Variants in CXXC5 observed in about 807,000 individuals in gnomAD.
CXXC5 encodes CXXC finger protein 5.
Under a neutral mutation model 17.6 loss-of-function variants are expected in CXXC5, and 2 were observed. The ratio of observed to expected loss-of-function variants is 0.11; its 90% confidence interval spans 0.05 to 0.36. The LOEUF (loss-of-function observed/expected upper bound fraction) is 0.36, where lower values mean the gene tolerates loss of function less well. Among genes scored for constraint, CXXC5 ranks in the 10% least tolerant of loss-of-function variants. The probability of loss-of-function intolerance (pLI) is 1.00; values close to 1 mark genes in which losing one functional copy is unlikely to be tolerated. For missense variants in CXXC5, 343 were observed against 458.3 expected (o/e 0.75, Z 2.30); for synonymous variants, 171 against 193.0 (o/e 0.89, Z 0.94).
intron 2 of CXXC5, 94 bp downstream of exon 2, chr5:139,681,541 G>GC: frequency 6.9e-7 from 1 of 1,449,800 alleles, no homozygotes; most frequent in Non-Finnish European, 9.2e-7. Context: ...TCCTACCTGG[G>GC]CAAGTGTCTG....
intron 2 of CXXC5, among the ~76,000 whole-genome samples, chr5:139,682,318 C>G (rs891817857): frequency 8.4e-6 from 1 of 118,760 alleles, no homozygotes; most frequent in Non-Finnish European, 1.8e-5. Flanking sequence ...TGGTTACCCT[C>G]CCCCAACCCC....
Position 139,682,995 on chromosome 5 carries a change from G to A in CXXC5, c.*88G>A, listed in dbSNP as rs1242915759. 2 of 1,212,972 alleles carry A rather than the reference G, an allele frequency of 1.6e-6. No homozygotes were observed. Among genetic ancestry groups the A allele is most frequent in the Non-Finnish European group, 2.2e-6 (2 of 903,864 alleles). The allele number at this position is 1,212,972 out of a possible 1,614,324, so 75.1% of individuals were successfully genotyped here. On this transcript the variant is annotated 3_prime_UTR_variant, in exon 3 of 3. Coordinates refer to ENST00000302517, the MANE Select transcript of CXXC5 (RefSeq NM_016463.9). ...GGGATTCGGGCGAAGACAAACGGAT[G>A]CACCCGTCTTTAGAACCAAAAATAT...
At chr5:139,653,072 A>AGT (rs367710444) in intron 1 of CXXC5, among the ~76,000 whole-genome samples, 6 of 151,580 alleles carry the variant, frequency 4.0e-5, no homozygotes, top group East Asian at 1.9e-4. Context: ...TGTAGCATGG[A>AGT]GTGTGTGTGT....
chr5:139,673,422 G>A (rs1457876357), intron 1 of CXXC5, among the ~76,000 whole-genome samples: 3 of 152,156 alleles, frequency 2.0e-5, no homozygotes, highest in Non-Finnish European at 2.9e-5. Context: ...CTTTATCAGA[G>A]GCATCCCAGG....
chr5:139,652,128 T>C (rs1279370382), intron 1 of CXXC5, among the ~76,000 whole-genome samples: 1 of 146,840 alleles, frequency 6.8e-6, no homozygotes, highest in Non-Finnish European at 1.5e-5. Context: ...CCCCACCACC[T>C]GGTCCCATCC....
In CXXC5 at chr5:139,658,603, G is replaced by T. The variant is rs1258050047; in HGVS notation, c.-161+9758G>T. Among the ~76,000 whole-genome samples, 1 of 152,152 alleles carries T rather than the reference G, an allele frequency of 6.6e-6. No individual in the cohort carries two copies. Among genetic ancestry groups the T allele is most frequent in the Non-Finnish European group, 1.5e-5 (1 of 68,010 alleles). On this transcript the variant is annotated intron_variant, in intron 1 of 2. Coordinates refer to ENST00000302517, the MANE Select transcript of CXXC5 (RefSeq NM_016463.9). This position sits in a 1 kb window ranked among gnomAD's most constrained non-coding sequence, Gnocchi z 4.1. ...CACAGGCACAGGAGGGGTCCTCTTGGCGGTGCCCGCCCGCCCGCTGCCCAC... is the reference window on the plus strand; with the variant it reads ...CACAGGCACAGGAGGGGTCCTCTTGTCGGTGCCCGCCCGCCCGCTGCCCAC...
rs1185782022 is a variant in CXXC5 at position 139,683,597 on chromosome 5, C to A, written c.*690C>A. ...GATTTTGGAAAAAAAAATGAAAGTT[C>A]TGTTCGTTTATCCATTGCGATCTGG... On this transcript the variant is annotated 3_prime_UTR_variant, in exon 3 of 3. Coordinates refer to ENST00000302517, the MANE Select transcript of CXXC5 (RefSeq NM_016463.9). The A allele has an allele frequency of 6.6e-6, 1 of 152,424 alleles. No homozygotes were observed. The allele number at this position is 152,424 out of a possible 1,614,324, so 9.4% of individuals were successfully genotyped here. A position where few individuals can be genotyped will look rare whatever the true frequency, so the allele number is the denominator to read the frequency against.
intron 1 of CXXC5, among the ~76,000 whole-genome samples, chr5:139,669,960 G>A (rs940545689): frequency 6.6e-6 from 1 of 152,198 alleles, no homozygotes; most frequent in Non-Finnish European, 1.5e-5. Context: ...TGGGGTGGCT[G>A]CCTGTGGCTG....
At position 139,683,166 on chromosome 5, in the gene CXXC5, C is replaced by G; in HGVS notation, c.*259C>G. 1 of 346,638 alleles carries G rather than the reference C, an allele frequency of 2.9e-6. No individual in the cohort carries two copies. Among genetic ancestry groups the G allele is most frequent in the Non-Finnish European group, 5.1e-6 (1 of 194,886 alleles). 21.5% of individuals were successfully genotyped at this position (346,638 alleles called of 1,614,324 possible). The stretch of plus-strand genomic sequence containing the variant: ...CAACAAAAAAGAGGTAAAGACGAAT[C>G]TATAAAGTACCGAGACTTCCTGGGC... On this transcript the variant is annotated 3_prime_UTR_variant, in exon 3 of 3. Coordinates refer to ENST00000302517, the MANE Select transcript of CXXC5 (RefSeq NM_016463.9).
chr5:139,653,317 G>T (rs1316995474), intron 1 of CXXC5, among the ~76,000 whole-genome samples: 1 of 152,150 alleles, frequency 6.6e-6, no homozygotes, highest in Non-Finnish European at 1.5e-5. Flanking sequence ...GGAGGGGGTT[G>T]TGCCCCCACA....
Position 139,668,473 on chromosome 5 carries a change from C to A in CXXC5, c.-160-11891C>A, listed in dbSNP as rs1756250464. On this transcript the variant is annotated intron_variant, in intron 1 of 2. Coordinates refer to ENST00000302517, the MANE Select transcript of CXXC5 (RefSeq NM_016463.9). The surrounding 1 kb of genome is among the most constrained non-coding windows in gnomAD (Gnocchi z 4.1). Reference sequence around the variant, plus strand: ...TAGGCCCGGCTACCTCCCGCGCCGCCCACTGCCCGCTCCAGGCCCGCTGCC... The same window carrying A: ...TAGGCCCGGCTACCTCCCGCGCCGCACACTGCCCGCTCCAGGCCCGCTGCC... Among the ~76,000 whole-genome samples the A allele has an allele frequency of 6.6e-6, 1 of 152,076 alleles. No homozygotes were observed. The highest frequency in any genetic ancestry group is 1.5e-5 in the Non-Finnish European group (1 of 67,976).
chr5:139,669,466 G>A (rs963402084), intron 1 of CXXC5, among the ~76,000 whole-genome samples: 4 of 151,786 alleles, frequency 2.6e-5, no homozygotes, highest in Non-Finnish European at 4.4e-5. Context: ...GCGCCCCTCC[G>A]CCATCTGCAA....
intron 1 of CXXC5, among the ~76,000 whole-genome samples, chr5:139,669,954 G>GTGGC (rs1561541365): frequency 6.6e-6 from 1 of 152,172 alleles, no homozygotes; most frequent in Non-Finnish European, 1.5e-5. Flanking sequence ...GCCTCATGGG[G>GTGGC]TGGCTGCCTG....
intron 1 of CXXC5, among the ~76,000 whole-genome samples, chr5:139,653,021 C>T (rs1427666242): frequency 6.6e-6 from 1 of 152,150 alleles, no homozygotes; most frequent in Middle Eastern, 3.2e-3. Context: ...CTCCGTCTTA[C>T]TGAATCTCCC....
chr5:139,670,950 A>T lies in CXXC5; in HGVS notation c.-160-9414A>T, dbSNP rs1274360598. On this transcript the variant is annotated intron_variant, in intron 1 of 2. Coordinates refer to ENST00000302517, the MANE Select transcript of CXXC5 (RefSeq NM_016463.9). The surrounding 1 kb of genome is among the most constrained non-coding windows in gnomAD (Gnocchi z 4.2). ...ACACACTGTATGCATTGCTCTCGTC[A>T]CCATACACACTCCAGCCCCCTGAGC... 6.6e-6 allele frequency among the ~76,000 whole-genome samples: 1 copy of T among 152,182 alleles called. No individual in the cohort carries two copies. The highest frequency in any genetic ancestry group is 1.5e-5 in the Non-Finnish European group (1 of 68,030).
chr5:139,662,845 T>C (rs1205334946), intron 1 of CXXC5, among the ~76,000 whole-genome samples: 2 of 152,228 alleles, frequency 1.3e-5, no homozygotes, highest in African/African-American at 4.8e-5. Context: ...ACCTCATGTT[T>C]GTCACCTGTG....
chr5:139,669,730 A>C (rs1249908146), intron 1 of CXXC5, among the ~76,000 whole-genome samples: 1 of 152,016 alleles, frequency 6.6e-6, no homozygotes, highest in African/African-American at 2.4e-5. Flanking sequence ...ACACACACTC[A>C]GCCCCACAGC....
rs1232402950 is a variant in CXXC5 at position 139,663,619 on chromosome 5, T to C, written c.-161+14774T>C. Among the ~76,000 whole-genome samples the C allele has an allele frequency of 6.6e-6, 1 of 152,122 alleles. No individual in the cohort carries two copies. Among genetic ancestry groups the C allele is most frequent in the Non-Finnish European group, 1.5e-5 (1 of 68,018 alleles). Reference sequence around the variant, plus strand: ...GCTTTGTATTTGGGGCTGGGGAAACTGAGGCATGAAGGATTGCCTCAGAGC... The same window carrying C: ...GCTTTGTATTTGGGGCTGGGGAAACCGAGGCATGAAGGATTGCCTCAGAGC... On this transcript the variant is annotated intron_variant, in intron 1 of 2. Coordinates refer to ENST00000302517, the MANE Select transcript of CXXC5 (RefSeq NM_016463.9). The surrounding 1 kb of genome is among the most constrained non-coding windows in gnomAD (Gnocchi z 4.2).
intron 1 of CXXC5, among the ~76,000 whole-genome samples, chr5:139,652,157 CGCGCGCGCGCGCGCGT>C (rs1561531558): frequency 1.8e-5 from 2 of 114,108 alleles, no homozygotes; most frequent in African/African-American, 3.7e-5. Flanking sequence ...GGCGCGCGCG[CGCGCGCGCGCGCGCGT>C]GTGTGTGTGT....
Sources: allele counts gnomAD v4.1 joint callset (sites outside exome capture counted in the v4.1 genomes callset), GRCh38; gene constraint gnomAD v4.1.1; non-coding constraint Gnocchi (gnomAD v3.1); transcripts MANE v1.5; gene names NCBI Gene and HGNC (gene_info 2026-07-23, HGNC 2026-07-21).